Variants in CACNA2D2 observed in about 807,000 individuals in gnomAD.
The protein encoded by CACNA2D2 is calcium voltage-gated channel auxiliary subunit alpha2delta 2, also known as voltage-dependent calcium channel subunit alpha-2/delta-2.
Under a neutral mutation model 166.4 loss-of-function variants are expected in CACNA2D2, and 48 were observed. The observed-to-expected ratio is 0.29, with a 90% CI of 0.23 to 0.37. The LOEUF (loss-of-function observed/expected upper bound fraction) is 0.37. CACNA2D2 is among the 10% of genes least tolerant of loss of function. CACNA2D2 has a pLI of 1.00. For missense variants in CACNA2D2, 1,122 were observed against 1,433.0 expected, an observed-to-expected ratio of 0.78 and a Z score of 3.50; for synonymous variants, 561 against 573.7, an observed-to-expected ratio of 0.98 and a Z score of 0.32.
At chr3:50,468,249 TG>T (rs1709906069) in intron 2 of CACNA2D2, among the ~76,000 whole-genome samples, 1 of 152,156 alleles carries the variant, frequency 6.6e-6, no homozygotes, top group Non-Finnish European at 1.5e-5. Flanking sequence ...ATAGGCCGGC[TG>T]GGGTGACAGC....
chr3:50,409,587 C>T (rs1706896204), intron 3 of CACNA2D2, among the ~76,000 whole-genome samples: 1 of 152,250 alleles, frequency 6.6e-6, no homozygotes, highest in Non-Finnish European at 1.5e-5. Context: ...ATCCCTACAG[C>T]AGCCCCTGCA....
At position 50,364,962 on chromosome 3, in the gene CACNA2D2, G is replaced by A. The variant is rs756858169; in HGVS notation, c.3217C>T (p.Pro1073Ser). The A allele has an allele frequency of 1.9e-6, 3 of 1,612,878 alleles. No homozygotes were observed. The highest frequency in any genetic ancestry group is 2.7e-5 in the African/African-American group (2 of 74,996). Residue 1073 changes from proline (P) to serine (S), a missense_variant, in exon 37 of 38, where the codon CCG (proline) becomes TCG (serine). Physicochemically the swap from Pro to Ser is moderately conservative, Grantham distance 74. Around this residue, in one of 2 missense-constraint regions of CACNA2D2, gnomAD observed 282 missense variants for 266.2 expected, o/e 1.06. Coordinates refer to ENST00000424201, the MANE Select transcript of CACNA2D2 (RefSeq NM_006030.4). ...CTCTGCACTAGCTCACACTGCTCCG[G>A]GCCGTCCGCTGGGCATGGGTGGGGA... ...LLQKETHSDG[P>S]EQCELVQRPR... is the part of the protein sequence containing the mutation.
chr3:50,388,171 C>T (rs1246955792), intron 4 of CACNA2D2, among the ~76,000 whole-genome samples: 6 of 152,226 alleles, frequency 3.9e-5, no homozygotes, highest in African/African-American at 1.2e-4. Flanking sequence ...GCGTCTGCCC[C>T]GCCTGTCCCT....
At chr3:50,382,380 C>A (rs1705366190) in intron 6 of CACNA2D2, among the ~76,000 whole-genome samples, 1 of 152,186 alleles carries the variant, frequency 6.6e-6, no homozygotes, top group Admixed American at 6.5e-5. Flanking sequence ...AGGTAGAAAG[C>A]ATGATTTACA....
intron 3 of CACNA2D2, among the ~76,000 whole-genome samples, chr3:50,410,683 TCCTCC>T (rs1300982845): frequency 6.6e-6 from 1 of 152,184 alleles, no homozygotes; most frequent in Non-Finnish European, 1.5e-5. Context: ...GCTGCAGGAC[TCCTCC>T]AAGGGAAAGG....
intron 1 of CACNA2D2, among the ~76,000 whole-genome samples, chr3:50,481,696 A>T (rs1198471925): frequency 6.6e-6 from 1 of 152,130 alleles, no homozygotes; most frequent in South Asian, 2.1e-4. Flanking sequence ...GGAAGGCAAC[A>T]ATTTAAAATA....
chr3:50,372,950 AG>A, intron 22 of CACNA2D2: 1 of 618,092 alleles, frequency 1.6e-6, no homozygotes, highest in East Asian at 3.3e-5. Flanking sequence ...GGAAGCTGGG[AG>A]GGGGCCCTGG....
intron 3 of CACNA2D2, among the ~76,000 whole-genome samples, chr3:50,418,880 G>A (rs553300662): frequency 3.9e-5 from 6 of 152,362 alleles, no homozygotes; most frequent in African/African-American, 1.4e-4. Flanking sequence ...CGGGTATGGA[G>A]GGGAGCCTGG....
At chr3:50,387,424 TGTGGGAG>T in intron 5 of CACNA2D2, 137 bp downstream of exon 5, 1 of 733,438 alleles carries the variant, frequency 1.4e-6, no homozygotes, top group Non-Finnish European at 2.5e-6. Context: ...TCTAGGGAGT[TGTGGGAG>T]GTGGAAGGTG....
chr3:50,462,417 T>TAAC, intron 2 of CACNA2D2, among the ~76,000 whole-genome samples: 1 of 146,966 alleles, frequency 6.8e-6, no homozygotes, highest in Admixed American at 6.8e-5. Flanking sequence ...ATAATAATAA[T>TAAC]AATAATAATA....
intron 2 of CACNA2D2, among the ~76,000 whole-genome samples, chr3:50,442,844 C>T (rs548236163): frequency 5.9e-5 from 9 of 152,192 alleles, no homozygotes; most frequent in African/African-American, 1.4e-4. Flanking sequence ...TCAAGACAAG[C>T]GTCCCTGGAC....
intron 1 of CACNA2D2, among the ~76,000 whole-genome samples, chr3:50,490,108 T>A (rs1024461181): frequency 6.6e-6 from 1 of 151,988 alleles, no homozygotes; most frequent in Non-Finnish European, 1.5e-5. Flanking sequence ...AGATGGGGCA[T>A]GGGCAAATGT....
intron 22 of CACNA2D2, among the ~76,000 whole-genome samples, chr3:50,371,751 AG>A (rs980737795): frequency 2.6e-5 from 4 of 151,546 alleles, no homozygotes; most frequent in Admixed American, 6.6e-5. Context: ...CCGATGGGGA[AG>A]GGGTTGGGGG....
At chr3:50,466,880 C>T (rs763967837) in intron 2 of CACNA2D2, among the ~76,000 whole-genome samples, 4 of 152,194 alleles carry the variant, frequency 2.6e-5, no homozygotes, top group African/African-American at 4.8e-5. Context: ...TGTCTGTACC[C>T]GAAAGATGCA....
intron 3 of CACNA2D2, among the ~76,000 whole-genome samples, chr3:50,404,339 C>T (rs557034585): frequency 7.9e-5 from 12 of 152,296 alleles, no homozygotes; most frequent in Admixed American, 5.9e-4. Flanking sequence ...CCACTCTGGA[C>T]CTTGTGAAAA....
intron 1 of CACNA2D2, among the ~76,000 whole-genome samples, chr3:50,489,298 T>C (rs1698420588): frequency 6.6e-6 from 1 of 152,168 alleles, no homozygotes; most frequent in Non-Finnish European, 1.5e-5. Flanking sequence ...GTCCCCATCC[T>C]TCTTCATTGT....
intron 22 of CACNA2D2, 110 bp downstream of exon 22, chr3:50,374,627 G>T: frequency 8.0e-7 from 1 of 1,243,652 alleles, no homozygotes; most frequent in Non-Finnish European, 1.1e-6. Flanking sequence ...GGCAGACTGG[G>T]CAGGAGGGAC....
chr3:50,422,766 G>A (rs141456760), intron 3 of CACNA2D2, among the ~76,000 whole-genome samples: 6 of 152,324 alleles, frequency 3.9e-5, no homozygotes, highest in East Asian at 1.9e-4. Context: ...CTGCAATCTC[G>A]CCTGGCGCTT....
intron 2 of CACNA2D2, among the ~76,000 whole-genome samples, chr3:50,475,655 C>T (rs1472764519): frequency 1.3e-5 from 2 of 152,212 alleles, no homozygotes; most frequent in African/African-American, 4.8e-5. Flanking sequence ...CACCTTGATC[C>T]CTCATCCCAC....
Sources: allele counts gnomAD v4.1 joint callset (sites outside exome capture counted in the v4.1 genomes callset), GRCh38; gene constraint gnomAD v4.1.1; regional missense constraint gnomAD v4.1.1; transcripts MANE v1.5; gene names NCBI Gene and HGNC (gene_info 2026-07-23, HGNC 2026-07-21).